CFAP70: variants seen among roughly 807,000 people sequenced by gnomAD.
CFAP70 encodes cilia and flagella associated protein 70, also known as cilia- and flagella-associated protein 70.
Under a neutral mutation model 137.6 loss-of-function variants are expected in CFAP70, and 81 were observed. The observed-to-expected ratio is 0.59, with a 90% CI of 0.49 to 0.71. The LOEUF (loss-of-function observed/expected upper bound fraction) is 0.71. CFAP70 is among the 30% of genes least tolerant of loss of function. The pLI is 0.00. For synonymous variants in CFAP70, 382 were observed against 423.6 expected, an observed-to-expected ratio of 0.90 and a Z score of 1.20; for missense variants, 976 against 1,226.7, an observed-to-expected ratio of 0.80 and a Z score of 3.05.
chr10:73,350,823 C>G (rs1410537839), intron 3 of CFAP70, among the ~76,000 whole-genome samples: 1 of 151,708 alleles, frequency 6.6e-6, no homozygotes, highest in Non-Finnish European at 1.5e-5. Context: ...GGCAGTGGTG[C>G]GCTCTCAGCT....
chr10:73,288,139 C>T (rs1302792044), intron 19 of CFAP70, among the ~76,000 whole-genome samples: 1 of 152,036 alleles, frequency 6.6e-6, no homozygotes. Flanking sequence ...TCAGGTGATC[C>T]ACCCGCCTTG....
rs555462859 is a variant in CFAP70, at chr10:73,304,847, T to C, written c.1257-5182A>G. ...AAACTCCCATCCCTCCAGATAAACT[T>C]AAAAAAAAAAAACACACACACCAGA... On this transcript the variant is annotated intron_variant, in intron 12 of 26. Transcript: ENST00000310715. Among the ~76,000 whole-genome samples the C allele has an allele frequency of 2.4e-3, 337 of 138,456 alleles. 1 individual carries two copies. Among genetic ancestry groups the C allele is most frequent in the Non-Finnish European group, 3.6e-3 (230 of 63,954 alleles). The allele number at this position is 138,456 out of a possible 152,430, so 90.8% of individuals were successfully genotyped here. A position where few individuals can be genotyped will look rare whatever the true frequency, so the allele number is the denominator to read the frequency against.
chr10:73,318,904 T>G (rs1232283279), intron 9 of CFAP70, among the ~76,000 whole-genome samples: 1 of 152,218 alleles, frequency 6.6e-6, no homozygotes, highest in Non-Finnish European at 1.5e-5. Context: ...ATACATTTTT[T>G]GCAAAAAGTT....
intron 5 of CFAP70, among the ~76,000 whole-genome samples, chr10:73,343,848 T>G (rs1338785685): frequency 6.6e-6 from 1 of 152,098 alleles, no homozygotes; most frequent in Non-Finnish European, 1.5e-5. Context: ...TTAAAAAACT[T>G]TTGTGTACCA....
At chr10:73,305,706 C>T (rs935368375) in intron 12 of CFAP70, among the ~76,000 whole-genome samples, 23 of 152,066 alleles carry the variant, frequency 1.5e-4, no homozygotes, top group African/African-American at 4.6e-4. Context: ...CCAAACGTAG[C>T]GAAGGGAAAA....
chr10:73,352,691 G>C (rs553641278), intron 3 of CFAP70, among the ~76,000 whole-genome samples: 1 of 152,166 alleles, frequency 6.6e-6, no homozygotes, highest in African/African-American at 2.4e-5. Context: ...GGGAGGAATA[G>C]AGAAAAGTAC....
intron 12 of CFAP70, among the ~76,000 whole-genome samples, chr10:73,309,845 C>T (rs1420461812): frequency 2.6e-5 from 4 of 151,540 alleles, no homozygotes; most frequent in Non-Finnish European, 2.9e-5. Flanking sequence ...TTAGTAGAGA[C>T]GGGGTTTCAC....
exon 19 of CFAP70, chr10:73,291,357 T>C: frequency 6.2e-7 from 1 of 1,614,224 alleles, no homozygotes; most frequent in Non-Finnish European, 8.5e-7. Context: ...TACTTGTGCC[T>C]GAAGCATCCG....
At chr10:73,302,883 C>CTTTTTTTTTTTTTTTTT (rs1554895440) in intron 12 of CFAP70, among the ~76,000 whole-genome samples, 1 of 131,000 alleles carries the variant, frequency 7.6e-6, no homozygotes. Context: ...CTTTTCTTTT[C>CTTTTTTTTTTTTTTTTT]TTTTTTTTTT....
chr10:73,351,847 T>C (rs2054301570), intron 3 of CFAP70, among the ~76,000 whole-genome samples: 1 of 152,256 alleles, frequency 6.6e-6, no homozygotes, highest in South Asian at 2.1e-4. Flanking sequence ...TTACACCTTC[T>C]GTTTTCAGCT....
At chr10:73,310,281 G>GA (rs771790319) in intron 11 of CFAP70, 32 bp from the exon 13 acceptor site, 25 of 1,489,632 alleles carry the variant, frequency 1.7e-5, no homozygotes, top group South Asian at 4.9e-5. Context: ...ATTATTTCCA[G>GA]AAAAAAATAT....
chr10:73,339,610 G>A (rs1226342578), intron 6 of CFAP70, among the ~76,000 whole-genome samples: 1 of 152,224 alleles, frequency 6.6e-6, no homozygotes, highest in African/African-American at 2.4e-5. Context: ...TGAGGGGTGT[G>A]TGAGTAAGCG....
chr10:73,323,215 T>C (rs2051038290), intron 8 of CFAP70, 118 bp from the exon 10 acceptor site: 2 of 941,164 alleles, frequency 2.1e-6, no homozygotes, highest in Non-Finnish European at 2.9e-6. Context: ...ACTTAGCCAG[T>C]TATGTGACTT....
At chr10:73,313,359 G>C (rs543937861) in intron 9 of CFAP70, among the ~76,000 whole-genome samples, 1 of 140,172 alleles carries the variant, frequency 7.1e-6, no homozygotes, top group African/African-American at 2.7e-5. Flanking sequence ...GCGATAGAGC[G>C]AGACTCTGTC....
At chr10:73,350,634 G>A (rs1023005070) in intron 3 of CFAP70, among the ~76,000 whole-genome samples, 3 of 151,402 alleles carry the variant, frequency 2.0e-5, no homozygotes, top group Non-Finnish European at 4.4e-5. Context: ...TTTTTTCTGT[G>A]GTTTCTACAG....
At chr10:73,300,509 A>T (rs145281661) in intron 12 of CFAP70, among the ~76,000 whole-genome samples, 4 of 152,034 alleles carry the variant, frequency 2.6e-5, no homozygotes, top group Non-Finnish European at 5.9e-5. Context: ...TCTCCTTCCA[A>T]CCTTATTGCC....
intron 8 of CFAP70, among the ~76,000 whole-genome samples, 153 bp downstream of exon 9, chr10:73,331,024 C>T (rs1036122776): frequency 3.3e-4 from 50 of 152,182 alleles, no homozygotes; most frequent in Admixed American, 1.6e-3. Context: ...AGTGCTAAAA[C>T]AAGTGACATT....
At chr10:73,263,081 A>AT (rs1218189774) in intron 25 of CFAP70, among the ~76,000 whole-genome samples, 6 of 152,198 alleles carry the variant, frequency 3.9e-5, no homozygotes, top group Non-Finnish European at 8.8e-5. Context: ...TTCCAATAAT[A>AT]TCATTCATTC....
chr10:73,321,440 A>G (rs2050843055), intron 9 of CFAP70, among the ~76,000 whole-genome samples: 1 of 152,146 alleles, frequency 6.6e-6, no homozygotes, highest in Non-Finnish European at 1.5e-5. Context: ...ATGAATTCCT[A>G]TAAATGTGGC....
Sources: allele counts gnomAD v4.1 joint callset (sites outside exome capture counted in the v4.1 genomes callset), GRCh38; gene constraint gnomAD v4.1.1; transcripts MANE v1.5; gene names NCBI Gene and HGNC (gene_info 2026-07-23, HGNC 2026-07-21).